WWC1: variants seen among roughly 807,000 people sequenced by gnomAD.
WWC1 encodes the protein protein KIBRA.
A neutral mutation model predicts 138.4 loss-of-function variants in WWC1; 55 were observed. That is an observed-to-expected ratio of 0.40 (90% CI 0.32 to 0.50). The LOEUF (loss-of-function observed/expected upper bound fraction) is 0.50, where lower values mean the gene tolerates loss of function less well. WWC1 is among the 20% of genes least tolerant of loss of function. The pLI is 0.72. For synonymous variants in WWC1, 524 were observed against 564.9 expected (o/e 0.93, Z 1.03); for missense variants, 1,226 against 1,420.4 (o/e 0.86, Z 2.20).
chr5:168,397,549 C>T (rs184962399), intron 3 of WWC1, among the ~76,000 whole-genome samples, 175 bp from the exon 4 acceptor site: 73 of 152,226 alleles, frequency 4.8e-4, no homozygotes, highest in Middle Eastern at 3.4e-3. Flanking sequence ...TTTTAAGTTG[C>T]GTAGTCCCCG....
At chr5:168,338,209 C>T (rs1481222198) in intron 1 of WWC1, among the ~76,000 whole-genome samples, 1 of 151,040 alleles carries the variant, frequency 6.6e-6, no homozygotes, top group East Asian at 2.0e-4. Context: ...TACTCAGGAA[C>T]CTGAGGCAGG....
At chr5:168,411,082 C>T (rs967872771) in intron 8 of WWC1, among the ~76,000 whole-genome samples, 3 of 152,074 alleles carry the variant, frequency 2.0e-5, no homozygotes, top group Admixed American at 6.6e-5. Context: ...CCCGTCACAA[C>T]GCCCGGCTAA....
chr5:168,334,428 A>C (rs750728752), intron 1 of WWC1, among the ~76,000 whole-genome samples: 19 of 152,088 alleles, frequency 1.2e-4, no homozygotes, highest in Admixed American at 3.9e-4. Context: ...GGCCTCTCTA[A>C]CCGGAGTTAT....
At position 168,384,260 on chromosome 5, in the gene WWC1, G is replaced by A. The variant is rs933908659; in HGVS notation, c.230-951G>A. 5.9e-5 allele frequency among the ~76,000 whole-genome samples: 9 copies of A among 152,132 alleles called. No homozygotes were observed. The East Asian group carries it at 7.7e-4, about 13-fold the overall frequency. On this transcript the variant is annotated intron_variant, in intron 2 of 22. Transcript: ENST00000265293. ...GATAGTAATAGAATCTATAAGGTTC[G>A]TGTAAGGATTTAAGAAGTGAACATA...
At chr5:168,331,981 A>G (rs892891376) in intron 1 of WWC1, among the ~76,000 whole-genome samples, 5 of 152,064 alleles carry the variant, frequency 3.3e-5, no homozygotes, top group African/African-American at 9.7e-5. Context: ...CCCCATCTCT[A>G]CTAAACATAC....
chr5:168,381,075 C>T (rs186317249), intron 2 of WWC1, among the ~76,000 whole-genome samples: 12 of 152,244 alleles, frequency 7.9e-5, no homozygotes, highest in East Asian at 3.9e-4. Context: ...GGAAATCTCT[C>T]GGGTGATTCC....
intron 1 of WWC1, among the ~76,000 whole-genome samples, chr5:168,332,778 A>T (rs140200914): frequency 0.018 from 2,789 of 151,326 alleles, 85 homozygotes; most frequent in African/African-American, 0.063. Flanking sequence ...GCACAATCTC[A>T]GCTCACTGTA....
chr5:168,422,597 A>G (rs1387957948), intron 10 of WWC1, among the ~76,000 whole-genome samples: 10 of 151,856 alleles, frequency 6.6e-5, no homozygotes, highest in Non-Finnish European at 1.5e-4. Flanking sequence ...CCTGGGTGAT[A>G]GAGCCAGACC....
chr5:168,409,518 C>A (rs74591891), intron 7 of WWC1, among the ~76,000 whole-genome samples: 1,723 of 152,304 alleles, frequency 0.011, 20 homozygotes, highest in Non-Finnish European at 0.016. Flanking sequence ...TCACTCCTGA[C>A]TGCAGCCTCT....
intron 1 of WWC1, among the ~76,000 whole-genome samples, chr5:168,325,140 A>G (rs183133089): frequency 2.0e-5 from 3 of 152,348 alleles, no homozygotes; most frequent in Admixed American, 6.5e-5. Flanking sequence ...CATTCTGTGC[A>G]TAGCATTGAG....
intron 8 of WWC1, among the ~76,000 whole-genome samples, chr5:168,413,311 G>A (rs1226853483): frequency 6.6e-6 from 1 of 152,182 alleles, no homozygotes; most frequent in Non-Finnish European, 1.5e-5. Context: ...AAAGGATGAT[G>A]TCATGATTGT....
chr5:168,385,475 T>A, intron 3 of WWC1, 61 bp downstream of exon 3: 1 of 1,536,336 alleles, frequency 6.5e-7, no homozygotes, highest in Non-Finnish European at 8.9e-7. Context: ...CACACTGAGT[T>A]CTGCCAATAT....
At position 168,391,788 on chromosome 5, in the gene WWC1, T is replaced by TG. The variant is rs1227950146; in HGVS notation, c.434-5936_434-5935insG. 6.4e-5 allele frequency among the ~76,000 whole-genome samples: 9 copies of TG among 141,214 alleles called. 1 individual carries two copies. Among genetic ancestry groups the TG allele is most frequent in the Non-Finnish European group, 1.2e-4 (8 of 65,510 alleles). The allele number at this position is 141,214 out of a possible 152,430, so 92.6% of individuals were successfully genotyped here. ...ATATATATATATATATATATATATA[T>TG]ATATATGATTAGGGAAAATTGGAGA... On this transcript the variant is annotated intron_variant, in intron 3 of 22. Transcript: ENST00000265293.
chr5:168,357,604 G>A (rs1775560079), intron 1 of WWC1, among the ~76,000 whole-genome samples: 1 of 152,024 alleles, frequency 6.6e-6, no homozygotes, highest in Admixed American at 6.5e-5. Context: ...ACAATGCCCA[G>A]AAGTCATCCT....
chr5:168,457,980 G>T (rs1756481240), intron 19 of WWC1, among the ~76,000 whole-genome samples: 1 of 152,226 alleles, frequency 6.6e-6, no homozygotes, highest in Admixed American at 6.5e-5. Flanking sequence ...TGGAGCATTT[G>T]CATCCAATTG....
intron 9 of WWC1, among the ~76,000 whole-genome samples, chr5:168,420,230 G>C (rs1780978946): frequency 6.6e-6 from 1 of 152,132 alleles, no homozygotes; most frequent in Non-Finnish European, 1.5e-5. Context: ...TTTTCTCACA[G>C]TCTGGAAGCT....
At chr5:168,444,404 G>A (rs1755050344) in intron 16 of WWC1, 90 bp from the exon 17 acceptor site, 1 of 1,278,412 alleles carries the variant, frequency 7.8e-7, no homozygotes, top group Non-Finnish European at 1.1e-6. Flanking sequence ...AATTCACTGG[G>A]AGGGTCACAG....
At chr5:168,468,919 C>T (rs781502751) in intron 22 of WWC1, 32 bp from the exon 23 acceptor site, 3 of 1,611,514 alleles carry the variant, frequency 1.9e-6, no homozygotes, top group East Asian at 4.5e-5. Context: ...AGGTTGAAAA[C>T]CCCTGCTCTA....
At chr5:168,414,118 CCTTGTT>C in intron 8 of WWC1, 1 of 548,606 alleles carries the variant, frequency 1.8e-6, no homozygotes, top group Non-Finnish European at 3.2e-6. Context: ...AAGGACATTG[CCTTGTT>C]CATGTCTGCA....
Sources: gnomAD v4.1 joint callset for allele counts (sites outside exome capture counted in the v4.1 genomes callset) on GRCh38, gnomAD v4.1.1 for gene constraint, MANE v1.5 for transcripts, NCBI Gene and HGNC (gene_info 2026-07-23, HGNC 2026-07-21) for gene names.